Variants in UHMK1 observed in about 807,000 individuals in gnomAD.
UHMK1 encodes the protein serine/threonine-protein kinase Kist.
In UHMK1, 18 loss-of-function variants were observed where a neutral mutation model predicts 44.0. That is an observed-to-expected ratio of 0.41 (90% CI 0.28 to 0.61). UHMK1 has a LOEUF of 0.61. Ranked by LOEUF, UHMK1 falls within the 20% of genes least tolerant of loss-of-function variation. The probability of loss-of-function intolerance (pLI) is 0.31; values close to 1 mark genes in which losing one functional copy is unlikely to be tolerated. For synonymous variants in UHMK1, 231 were observed against 198.5 expected (o/e 1.16, Z -1.38); for missense variants, 463 against 522.5 (o/e 0.89, Z 1.11).
At position 162,521,531 on chromosome 1, in the gene UHMK1, C is replaced by T. The variant is rs181006817; in HGVS notation, c.1114-873C>T. 5.3e-4 allele frequency among the ~76,000 whole-genome samples: 80 copies of T among 152,326 alleles called. 1 individual carries two copies. Among genetic ancestry groups the T allele is most frequent in the Admixed American group, 5.2e-3 (79 of 15,296 alleles). On this transcript the variant is annotated intron_variant, in intron 7 of 7. Transcript: ENST00000489294. ...CACATACAGTGTCGTGATCTTGGCT[C>T]ATTGCAGCCTCGACTTCCTGAGCTC... is the stretch of plus-strand genomic sequence containing the variant.
intron 4 of UHMK1, among the ~76,000 whole-genome samples, chr1:162,510,111 T>C (rs1040376834): frequency 6.6e-6 from 1 of 152,230 alleles, no homozygotes; most frequent in Non-Finnish European, 1.5e-5. Context: ...GACATAAAAT[T>C]GTATGTATCA....
rs1286716543 is a variant in UHMK1, at chr1:162,522,685, A to G, written c.*135A>G. On this transcript the variant is annotated 3_prime_UTR_variant, in exon 8 of 8. Coordinates refer to ENST00000489294, the MANE Select transcript of UHMK1 (RefSeq NM_175866.5). ...TATTTAATCCTACTAATGTGCAGCC[A>G]TTGCCCAAGCAGTGACTGCGTTGCA... is the stretch of plus-strand genomic sequence containing the variant. 3.9e-6 allele frequency: 4 copies of G among 1,031,644 alleles called. No homozygotes were observed. The highest frequency in any genetic ancestry group is 5.3e-5 in the East Asian group (2 of 38,052). The allele number at this position is 1,031,644 out of a possible 1,614,324, so 63.9% of individuals were successfully genotyped here.
intron 6 of UHMK1, among the ~76,000 whole-genome samples, chr1:162,516,796 A>G (rs1651851340): frequency 6.6e-6 from 1 of 152,252 alleles, no homozygotes; most frequent in South Asian, 2.1e-4. Flanking sequence ...AATTAGAGCC[A>G]AACTGCAATA....
intron 4 of UHMK1, among the ~76,000 whole-genome samples, chr1:162,507,474 G>C (rs920459860): frequency 2.6e-5 from 4 of 151,180 alleles, no homozygotes; most frequent in African/African-American, 4.9e-5. Context: ...TAAGAGACGA[G>C]GTCCCACCAT....
chr1:162,497,344 ATTT>A (rs1340632691), upstream of UHMK1: 2 of 698,202 alleles, frequency 2.9e-6, no homozygotes, highest in Admixed American at 4.1e-5. Context: ...CTGAACCAGA[ATTT>A]TAGAGTGCCC....
chr1:162,500,272 C>G (rs1355129455), intron 2 of UHMK1, 25 bp downstream of exon 2: 1 of 1,593,710 alleles, frequency 6.3e-7, no homozygotes, highest in Non-Finnish European at 8.6e-7. Flanking sequence ...TTTCTTTTCT[C>G]TCGCAGTTTA....
Position 162,523,746 on chromosome 1 carries a change from C to G in UHMK1, c.*1196C>G, listed in dbSNP as rs1652143770. 6.6e-6 allele frequency: 1 copy of G among 152,146 alleles called. No homozygotes were observed. Among genetic ancestry groups the G allele is most frequent in the Non-Finnish European group, 1.5e-5 (1 of 68,034 alleles). 9.4% of individuals were successfully genotyped at this position (152,146 alleles called of 1,614,324 possible). A position where few individuals can be genotyped will look rare whatever the true frequency, so the allele number is the denominator to read the frequency against. On this transcript the variant is annotated 3_prime_UTR_variant, in exon 8 of 8. Transcript: ENST00000489294. ...CCTCCCCTTCCCTCATTCTTTGCCT[C>G]TATCCTTAGCTGAAGACAAACTAGA...
In UHMK1 at chr1:162,518,116, G is replaced by T. The variant is rs148776730; in HGVS notation, c.1039G>T (p.Val347Leu). 8.0e-5 allele frequency: 129 copies of T among 1,611,918 alleles called. No homozygotes were observed. The African/African-American group carries it at 1.6e-3, about 19-fold the overall frequency. Residue 347 changes from valine (V) to leucine (L), a missense_variant, in exon 7 of 8, where the codon GTA (valine) becomes TTA (leucine). Physicochemically the swap from Val to Leu is conservative, Grantham distance 32. Transcript: ENST00000489294. ...EEEYEDVVED[V>L]KEECQKYGPV... is the part of the protein sequence containing the mutation. Reference sequence around the variant, plus strand: ...TTAATAATCAGATGTTGTAGAAGATGTAAAAGAGGAGTGTCAAAAATATGG... The same window carrying T: ...TTAATAATCAGATGTTGTAGAAGATTTAAAAGAGGAGTGTCAAAAATATGG...
chr1:162,510,932 G>A (rs1251269824), intron 4 of UHMK1, among the ~76,000 whole-genome samples: 1 of 151,858 alleles, frequency 6.6e-6, no homozygotes, highest in African/African-American at 2.4e-5. Flanking sequence ...CCAACAATGT[G>A]TACGGATTCC....
intron 6 of UHMK1, among the ~76,000 whole-genome samples, chr1:162,517,866 C>T (rs1337388260): frequency 6.6e-6 from 1 of 151,350 alleles, no homozygotes; most frequent in Non-Finnish European, 1.5e-5. Flanking sequence ...GACAGCGAGA[C>T]TCTGTCTAAA....
chr1:162,514,512 T>C (rs193109327), intron 6 of UHMK1, among the ~76,000 whole-genome samples: 1 of 152,200 alleles, frequency 6.6e-6, no homozygotes, highest in African/African-American at 2.4e-5. Context: ...TATTACCTAT[T>C]ATTAACCACT....
rs1346231335 is a variant in UHMK1 at position 162,526,330 on chromosome 1, G to A, written c.*3780G>A. On this transcript the variant is annotated 3_prime_UTR_variant, in exon 8 of 8. Coordinates refer to ENST00000489294, the MANE Select transcript of UHMK1 (RefSeq NM_175866.5). ...AAAATCAGCACCATTGTAAATGATAGTAATTGTAACAACATAGTTACTGGG... is the reference window on the plus strand; with the variant it reads ...AAAATCAGCACCATTGTAAATGATAATAATTGTAACAACATAGTTACTGGG... 1 of 151,036 alleles carries A rather than the reference G, an allele frequency of 6.6e-6. No homozygotes were observed. Among genetic ancestry groups the A allele is most frequent in the Non-Finnish European group, 1.5e-5 (1 of 67,868 alleles). The allele number at this position is 151,036 out of a possible 1,614,324, so 9.4% of individuals were successfully genotyped here. A position where few individuals can be genotyped will look rare whatever the true frequency, so the allele number is the denominator to read the frequency against.
rs1652293743 is a variant in UHMK1, at chr1:162,527,538, G to A, written c.*4988G>A. On this transcript the variant is annotated 3_prime_UTR_variant, in exon 8 of 8. Transcript: ENST00000489294. ...TCCTACCACTCAGCACTTTTGTTCTGCCTTGTACTGCTTATGAGGATTAAT... is the reference window on the plus strand; with the variant it reads ...TCCTACCACTCAGCACTTTTGTTCTACCTTGTACTGCTTATGAGGATTAAT... 1 of 152,022 alleles carries A rather than the reference G, an allele frequency of 6.6e-6. No homozygotes were observed. Among genetic ancestry groups the A allele is most frequent in the Non-Finnish European group, 1.5e-5 (1 of 67,940 alleles). The allele number at this position is 152,022 out of a possible 1,614,324, so 9.4% of individuals were successfully genotyped here.
chr1:162,500,835 G>A (rs1342263671), intron 2 of UHMK1, 78 bp from the exon 3 acceptor site: 1 of 1,385,874 alleles, frequency 7.2e-7, no homozygotes, highest in Non-Finnish European at 9.7e-7. Flanking sequence ...GCACTCTTAG[G>A]GAAGTAAATT....
chr1:162,526,016 A>G lies in UHMK1; in HGVS notation c.*3466A>G, dbSNP rs1383650585. On this transcript the variant is annotated 3_prime_UTR_variant, in exon 8 of 8. Coordinates refer to ENST00000489294, the MANE Select transcript of UHMK1 (RefSeq NM_175866.5). ...TATAAGGAATGCTGCCATATAGAGA[A>G]AGCTGAAGAGAAACCATGGGCAGAA... 6.6e-6 allele frequency: 1 copy of G among 152,176 alleles called. No homozygotes were observed. Among genetic ancestry groups the G allele is most frequent in the East Asian group, 1.9e-4 (1 of 5,202 alleles). The allele number at this position is 152,176 out of a possible 1,614,324, so 9.4% of individuals were successfully genotyped here.
In UHMK1 at chr1:162,497,833, C is replaced by T. The variant is rs1420155348; in HGVS notation, c.-168C>T. 2.2e-6 allele frequency: 3 copies of T among 1,354,920 alleles called. No individual in the cohort carries two copies. The highest frequency in any genetic ancestry group is 1.9e-6 in the Non-Finnish European group (2 of 1,058,712). The allele number at this position is 1,354,920 out of a possible 1,614,324, so 83.9% of individuals were successfully genotyped here. ...TCCGGCTTCTGGGACTCGGGTGCAC[C>T]ACGGCTTCCGGTGTCATGGCTGCTT... On this transcript the variant is annotated 5_prime_UTR_variant, in exon 1 of 8. Transcript: ENST00000489294.
intron 6 of UHMK1, among the ~76,000 whole-genome samples, chr1:162,513,967 A>G (rs1012649308): frequency 6.6e-6 from 1 of 152,234 alleles, no homozygotes; most frequent in Admixed American, 6.5e-5. Context: ...GGAGAATGAC[A>G]TAGTCAAACC....
In UHMK1 at chr1:162,503,790, A is replaced by G. The variant is rs2101671791; in HGVS notation, c.790A>G (p.Ser264Gly). The change falls in exon 4 of 8, where the codon AGT (serine) becomes GGT (glycine). Residue 264 changes from serine to glycine, a missense_variant. Ser to Gly is a moderately conservative substitution (Grantham distance 56). Transcript: ENST00000489294. ...SSAIIDHIFA[S>G]KAVVNAAIPA... Reference sequence around the variant, plus strand: ...TGCTATTATTGATCACATATTTGCCAGTAAAGCAGTGGTGAATGCCGCAAT... The same window carrying G: ...TGCTATTATTGATCACATATTTGCCGGTAAAGCAGTGGTGAATGCCGCAAT... 2 of 1,614,154 alleles carry G rather than the reference A, an allele frequency of 1.2e-6. No homozygotes were observed. Among genetic ancestry groups the G allele is most frequent in the Admixed American group, 1.7e-5 (1 of 60,012 alleles).
chr1:162,518,239 T>A (rs781671709), intron 7 of UHMK1, 49 bp downstream of exon 7: 1 of 1,402,422 alleles, frequency 7.1e-7, no homozygotes, highest in African/African-American at 1.4e-5. Flanking sequence ...TTATTAAAAT[T>A]CTGTGTTAAA....
Sources: gnomAD v4.1 joint callset for allele counts (sites outside exome capture counted in the v4.1 genomes callset) on GRCh38, gnomAD v4.1.1 for gene constraint, MANE v1.5 for transcripts, NCBI Gene and HGNC (gene_info 2026-07-23, HGNC 2026-07-21) for gene names.